Variants in SMG6 observed in about 807,000 individuals in gnomAD.
The protein encoded by SMG6 is SMG6 nonsense mediated mRNA decay factor.
In SMG6, 66 loss-of-function variants were observed where a neutral mutation model predicts 142.2. The ratio of observed to expected loss-of-function variants is 0.46; its 90% CI spans 0.38 to 0.57. The LOEUF is 0.57. Ranked by LOEUF, SMG6 falls within the 20% of genes least tolerant of loss-of-function variation. SMG6 has a pLI of 0.00. For synonymous variants in SMG6, 779 were observed against 702.4 expected, an observed-to-expected ratio of 1.11 and a Z score of -1.72; for missense variants, 1,793 against 1,832.0, an observed-to-expected ratio of 0.98 and a Z score of 0.39.
chr17:2,202,139 T>C (rs1384588615), intron 10 of SMG6, among the ~76,000 whole-genome samples: 3 of 152,166 alleles, frequency 2.0e-5, no homozygotes, highest in East Asian at 1.9e-4. Flanking sequence ...GTTTTACTCA[T>C]GAAGGTTAAA....
chr17:2,100,688 C>T (rs558424646), intron 13 of SMG6, among the ~76,000 whole-genome samples: 3 of 152,088 alleles, frequency 2.0e-5, no homozygotes, highest in Non-Finnish European at 2.9e-5. Flanking sequence ...GGAATACAGG[C>T]GCACACCATC....
At chr17:2,237,833 G>T (rs1221919125) in intron 9 of SMG6, among the ~76,000 whole-genome samples, 4 of 152,216 alleles carry the variant, frequency 2.6e-5, no homozygotes, top group Non-Finnish European at 4.4e-5. Flanking sequence ...TGGTGCTAGA[G>T]AGAGTAGCCA....
At chr17:2,065,420 G>A in intron 17 of SMG6, 48 bp downstream of exon 17, 2 of 1,569,090 alleles carry the variant, frequency 1.3e-6, no homozygotes. Flanking sequence ...TGGAGACCTT[G>A]TTCTGGAAGC....
chr17:2,111,617 T>C (rs891837753), intron 13 of SMG6, among the ~76,000 whole-genome samples: 1 of 152,150 alleles, frequency 6.6e-6, no homozygotes. Flanking sequence ...TTGCCCAGAC[T>C]GGCCTTGAAC....
chr17:2,099,586 C>T (rs8075672), intron 13 of SMG6, among the ~76,000 whole-genome samples: 2,760 of 152,064 alleles, frequency 0.018, 87 homozygotes, highest in African/African-American at 0.064. Context: ...GGTAGAAAGC[C>T]ATTTTAAGTT....
intron 9 of SMG6, among the ~76,000 whole-genome samples, chr17:2,239,351 C>T (rs2073746826): frequency 1.3e-5 from 2 of 152,138 alleles, no homozygotes; most frequent in South Asian, 4.2e-4. Context: ...GCAGTCTCAG[C>T]AATAAAGCAG....
chr17:2,296,169 A>G (rs180963919), intron 4 of SMG6, among the ~76,000 whole-genome samples: 23 of 152,338 alleles, frequency 1.5e-4, no homozygotes, highest in Admixed American at 3.9e-4. Flanking sequence ...TCTTCGGCAT[A>G]GCATATGAGA....
chr17:2,081,207 C>T (rs1430803654), intron 15 of SMG6, among the ~76,000 whole-genome samples: 10 of 152,148 alleles, frequency 6.6e-5, no homozygotes, highest in Admixed American at 3.3e-4. Flanking sequence ...GGACAGCAAA[C>T]GGCCTCACAG....
intron 13 of SMG6, among the ~76,000 whole-genome samples, chr17:2,112,472 C>T (rs983697665): frequency 1.3e-5 from 2 of 151,004 alleles, no homozygotes; most frequent in African/African-American, 2.4e-5. Context: ...CGTGCCACTG[C>T]ACTCCAGCCT....
At chr17:2,294,560 T>C (rs1289290734) in intron 4 of SMG6, among the ~76,000 whole-genome samples, 1 of 152,180 alleles carries the variant, frequency 6.6e-6, no homozygotes, top group Non-Finnish European at 1.5e-5. Context: ...AAGTATATTG[T>C]CCTCTTCCCC....
chr17:2,118,357 G>A (rs898935720), intron 13 of SMG6, among the ~76,000 whole-genome samples: 5 of 152,136 alleles, frequency 3.3e-5, no homozygotes, highest in Non-Finnish European at 7.4e-5. Context: ...TGGCCAACAT[G>A]ATGAAACCCC....
At chr17:2,204,458 A>G (rs2072620039) in intron 10 of SMG6, among the ~76,000 whole-genome samples, 1 of 152,218 alleles carries the variant, frequency 6.6e-6, no homozygotes, top group Non-Finnish European at 1.5e-5. Context: ...TCAATGTCCA[A>G]ACCAAACTGC....
chr17:2,269,851 G>A (rs1017753243), intron 8 of SMG6, among the ~76,000 whole-genome samples: 1 of 152,122 alleles, frequency 6.6e-6, no homozygotes, highest in South Asian at 2.1e-4. Flanking sequence ...CCAAAGTCTC[G>A]CAGCTAATAT....
rs537696311 is a variant in SMG6, at chr17:2,128,413, A to G, written c.3358-42512T>C. Among the ~76,000 whole-genome samples the G allele has an allele frequency of 2.8e-4, 42 of 152,322 alleles. 2 individuals carry two copies. The highest frequency in any genetic ancestry group is 9.4e-4 in the African/African-American group (39 of 41,572). On this transcript the variant is annotated intron_variant, in intron 13 of 18. Transcript: ENST00000263073. ...CATACTAGACGGTGTCAAGTAGAAC[A>G]CTTTCCCCACTGCAGAAAGTGGTAC...
chr17:2,298,864 C>A (rs551818244), intron 2 of SMG6, 42 bp downstream of exon 2: 37 of 1,567,368 alleles, frequency 2.4e-5, no homozygotes, highest in Non-Finnish European at 2.9e-5. Flanking sequence ...ACACCTCCGG[C>A]TGATCCCCAT....
intron 15 of SMG6, among the ~76,000 whole-genome samples, chr17:2,070,211 C>T (rs1345599138): frequency 2.0e-5 from 3 of 152,238 alleles, no homozygotes; most frequent in Admixed American, 6.5e-5. Flanking sequence ...CGTGTGGCAG[C>T]GGCCCTTCGA....
chr17:2,149,589 C>T (rs998478503), intron 13 of SMG6, among the ~76,000 whole-genome samples: 3 of 152,204 alleles, frequency 2.0e-5, no homozygotes, highest in Admixed American at 6.5e-5. Flanking sequence ...GACCCCCATA[C>T]ACCTGGAGCA....
At chr17:2,253,533 C>G (rs2074096503) in intron 8 of SMG6, among the ~76,000 whole-genome samples, 1 of 152,146 alleles carries the variant, frequency 6.6e-6, no homozygotes, top group Admixed American at 6.5e-5. Context: ...AGAGCTACCA[C>G]ACACGTGTAC....
intron 6 of SMG6, among the ~76,000 whole-genome samples, chr17:2,287,706 G>A (rs404392): frequency 0.57 from 87,206 of 152,068 alleles, 26,269 homozygotes; most frequent in East Asian, 0.75. Flanking sequence ...ACAATGAAAT[G>A]TAATTCACCC....
Sources: gnomAD v4.1 joint callset for allele counts (sites outside exome capture counted in the v4.1 genomes callset) on GRCh38, gnomAD v4.1.1 for gene constraint, MANE v1.5 for transcripts, NCBI Gene and HGNC (gene_info 2026-07-23, HGNC 2026-07-21) for gene names.